The following MGST2 variants were observed in gnomAD, a reference collection of about 807,000 sequenced individuals.
The protein encoded by MGST2 is glutathione peroxidase MGST2.
MGST2 carries 9 observed loss-of-function variants against 16.6 expected under a neutral mutation model. The observed-to-expected ratio is 0.54, with a 90% CI of 0.33 to 0.95. The LOEUF is 0.95. Among genes scored for constraint, MGST2 ranks in the 40% least tolerant of loss-of-function variants. MGST2 has a pLI of 0.03. For missense variants in MGST2, 159 were observed against 175.1 expected, an observed-to-expected ratio of 0.91 and a Z score of 0.52; for synonymous variants, 79 against 68.0, an observed-to-expected ratio of 1.16 and a Z score of -0.79.
At chr4:139,687,472 G>GT (rs994485916) in intron 2 of MGST2, among the ~76,000 whole-genome samples, 7 of 152,128 alleles carry the variant, frequency 4.6e-5, no homozygotes, top group Admixed American at 2.6e-4. Context: ...TTGGTTATCT[G>GT]TTTTTTTCCC....
At chr4:139,754,496 C>T in the MGST2 span, among the ~76,000 whole-genome samples, 2 of 152,152 alleles carry the variant, frequency 1.3e-5, no homozygotes, top group Non-Finnish European at 2.9e-5. Context: ...AACCAATTGC[C>T]TATTGTTGGA....
chr4:139,686,156 T>A (rs1241042461), intron 2 of MGST2, among the ~76,000 whole-genome samples: 1 of 152,054 alleles, frequency 6.6e-6, no homozygotes, highest in Non-Finnish European at 1.5e-5. Context: ...CAATGTGAAG[T>A]GTGGTGGGGT....
At chr4:139,706,813 C>T (rs1488058965), downstream of MGST2, among the ~76,000 whole-genome samples, 1 of 152,134 alleles carries the variant, frequency 6.6e-6, no homozygotes, top group Non-Finnish European at 1.5e-5. Context: ...TGTCACCAGG[C>T]AACCTTTTGA....
chr4:139,719,444 T>C (rs368733336), intron 5 of MGST2: 2 of 1,613,992 alleles, frequency 1.2e-6, no homozygotes, highest in Admixed American at 1.7e-5. Context: ...CCCAGCTCCG[T>C]CGCCACTGTA....
intron 5 of MGST2, among the ~76,000 whole-genome samples, chr4:139,721,530 G>C (rs1728233492): frequency 6.6e-6 from 1 of 152,178 alleles, no homozygotes; most frequent in Admixed American, 6.5e-5. Context: ...TGTTAAACCT[G>C]GCACCCTGGT....
intron 5 of MGST2, chr4:139,719,295 G>T (rs773415307): frequency 3.9e-6 from 6 of 1,535,954 alleles, no homozygotes; most frequent in Non-Finnish European, 5.3e-6. Context: ...TTAACCACTC[G>T]AGTTGTGGAT....
At chr4:139,730,259 G>A (rs1728645788) in intron 5 of MGST2, 2 of 671,896 alleles carry the variant, frequency 3.0e-6, no homozygotes, top group African/African-American at 3.6e-5. Context: ...CTAATTGAAA[G>A]GTCTAAATTC....
At position 139,715,143 on chromosome 4, in the gene MGST2, G is replaced by A. The variant is rs2602247; in HGVS notation, c.*48+10947G>A. Among the ~76,000 whole-genome samples, 55,278 of 151,868 alleles carry A rather than the reference G, an allele frequency of 0.36. 10,756 individuals carry two copies. The highest frequency in any genetic ancestry group is 0.51 in the South Asian group (2,433 of 4,804). ...AGCATCCTTGCCTTTTATTAAGGGG[G>A]AGCCTTTAACCACCTCTATCTTAGG... On this transcript the variant is annotated intron_variant, in intron 5 of 5. Transcript: ENST00000616265. The surrounding 1 kb of genome is among the most constrained non-coding windows in gnomAD (Gnocchi z 4.4).
intron 5 of MGST2, among the ~76,000 whole-genome samples, chr4:139,721,534 C>A (rs553269396): frequency 2.0e-5 from 3 of 152,248 alleles, no homozygotes; most frequent in Non-Finnish European, 2.9e-5. Context: ...AAACCTGGCA[C>A]CCTGGTAGAT....
chr4:139,726,097 A>G (rs920912750), intron 5 of MGST2, among the ~76,000 whole-genome samples: 6 of 151,818 alleles, frequency 4.0e-5, no homozygotes, highest in Non-Finnish European at 8.8e-5. Context: ...TCCAGTCATC[A>G]CTCTCCCTTG....
At chr4:139,704,626 A>G (rs1380504703), downstream of MGST2, among the ~76,000 whole-genome samples, 1 of 152,188 alleles carries the variant, frequency 6.6e-6, no homozygotes, top group Non-Finnish European at 1.5e-5. Context: ...GCACAAAACA[A>G]AACAGGTTAT....
At chr4:139,714,333 T>TC (rs965232200) in intron 5 of MGST2, among the ~76,000 whole-genome samples, 2 of 152,116 alleles carry the variant, frequency 1.3e-5, no homozygotes, top group Admixed American at 6.6e-5. Flanking sequence ...ACTGATTTTT[T>TC]CCCCCCATTC....
At chr4:139,743,347 A>T (rs1288018592), downstream of MGST2, among the ~76,000 whole-genome samples, 1 of 152,218 alleles carries the variant, frequency 6.6e-6, no homozygotes, top group African/African-American at 2.4e-5. Flanking sequence ...CTTCCCGGAC[A>T]CTAGGGATCC....
At chr4:139,697,661 A>C (rs968985875) in intron 3 of MGST2, among the ~76,000 whole-genome samples, 17 of 152,214 alleles carry the variant, frequency 1.1e-4, no homozygotes, top group African/African-American at 4.1e-4. Flanking sequence ...ACTTACAGGA[A>C]CAGCACAGAA....
At chr4:139,721,812 G>A (rs180788) in intron 5 of MGST2, among the ~76,000 whole-genome samples, 140,614 of 152,288 alleles carry the variant, frequency 0.92, 65,046 homozygotes, top group East Asian at 1. Context: ...TTGAAAAATC[G>A]AAAGTTCCTA....
intron 5 of MGST2, among the ~76,000 whole-genome samples, chr4:139,723,196 T>C (rs1371865036): frequency 2.6e-5 from 4 of 152,214 alleles, no homozygotes; most frequent in African/African-American, 9.6e-5. Context: ...CAAAAACCCA[T>C]GTACAGTACA....
chr4:139,722,150 T>C (rs1728262814), intron 5 of MGST2, among the ~76,000 whole-genome samples: 1 of 152,176 alleles, frequency 6.6e-6, no homozygotes, highest in Non-Finnish European at 1.5e-5. Flanking sequence ...GAGAAATAGG[T>C]TCCTTTCTTT....
chr4:139,668,123 G>T (rs984369027), intron 1 of MGST2, among the ~76,000 whole-genome samples: 1 of 152,122 alleles, frequency 6.6e-6, no homozygotes, highest in African/African-American at 2.4e-5. Context: ...GGTCATAGGT[G>T]GATTTAAAGA....
intron 1 of MGST2, among the ~76,000 whole-genome samples, chr4:139,671,070 A>G (rs1467941085): frequency 1.3e-5 from 2 of 152,156 alleles, no homozygotes; most frequent in Non-Finnish European, 2.9e-5. Flanking sequence ...CTTGTCTACA[A>G]TTTGATGTCT....
Sources: gnomAD v4.1 joint callset for allele counts (sites outside exome capture counted in the v4.1 genomes callset) on GRCh38, gnomAD v4.1.1 for gene constraint, Gnocchi (gnomAD v3.1) non-coding constraint, MANE v1.5 for transcripts, NCBI Gene and HGNC (gene_info 2026-07-23, HGNC 2026-07-21) for gene names.